Variants in NRCAM observed in about 807,000 individuals in gnomAD.
The protein encoded by NRCAM is NgCAM-related cell adhesion molecule.
In NRCAM, 83 loss-of-function variants were observed where a neutral mutation model predicts 156.5. That is an observed-to-expected ratio of 0.53 (90% confidence interval 0.44 to 0.64). The LOEUF (loss-of-function observed/expected upper bound fraction) is 0.64. Ranked by LOEUF, NRCAM falls within the 30% of genes least tolerant of loss-of-function variation. NRCAM has a pLI of 0.00. For missense variants in NRCAM, 1,417 were observed against 1,597.3 expected (o/e 0.89, Z 1.92); for synonymous variants, 538 against 563.9 (o/e 0.95, Z 0.65).
At chr7:108,314,738 T>G (rs961972400) in intron 2 of NRCAM, among the ~76,000 whole-genome samples, 34 of 152,206 alleles carry the variant, frequency 2.2e-4, no homozygotes, top group African/African-American at 8.2e-4. Flanking sequence ...TGGACTTTTT[T>G]GGCAGAGAAA....
At chr7:108,242,670 T>C (rs534059604) in intron 3 of NRCAM, among the ~76,000 whole-genome samples, 27 of 152,316 alleles carry the variant, frequency 1.8e-4, no homozygotes, top group African/African-American at 6.5e-4. Context: ...AACCAAACTC[T>C]GAAAAGGAAA....
intron 1 of NRCAM, among the ~76,000 whole-genome samples, chr7:108,448,435 C>A (rs73424178): frequency 0.055 from 8,381 of 152,206 alleles, 719 homozygotes; most frequent in African/African-American, 0.19. Context: ...AAGACTATGT[C>A]GAGTCATTTA....
Position 108,276,873 on chromosome 7 carries a change from T to C in NRCAM, c.-107+35792A>G, listed in dbSNP as rs181917163. ...TGTCATGCTTTTGCAGTGGCGGTAC[T>C]GGTTGTTCATTTCCATGTTTAGTGC... On this transcript the variant is annotated intron_variant, in intron 3 of 32. Coordinates refer to ENST00000379028, the MANE Select transcript of NRCAM (RefSeq NM_001037132.4). Among the ~76,000 whole-genome samples, 587 of 152,304 alleles carry C rather than the reference T, an allele frequency of 3.9e-3. 5 individuals carry two copies. The highest frequency in any genetic ancestry group is 0.014 in the African/African-American group (564 of 41,574).
intron 17 of NRCAM, among the ~76,000 whole-genome samples, chr7:108,193,086 A>G (rs1468151886): frequency 6.6e-6 from 1 of 152,168 alleles, no homozygotes; most frequent in African/African-American, 2.4e-5. Flanking sequence ...GCAGTGGTAC[A>G]GTCATGGCTC....
chr7:108,419,637 T>C (rs1001217521), intron 1 of NRCAM, among the ~76,000 whole-genome samples: 2 of 152,222 alleles, frequency 1.3e-5, no homozygotes, highest in Middle Eastern at 3.2e-3. Flanking sequence ...GGTGCTCTCA[T>C]TTCAAAGGCA....
chr7:108,282,239 T>C (rs1163470382), intron 3 of NRCAM, among the ~76,000 whole-genome samples: 1 of 152,238 alleles, frequency 6.6e-6, no homozygotes, highest in East Asian at 1.9e-4. Context: ...AAACCACTGT[T>C]AGGATTTCTC....
At chr7:108,428,599 C>A (rs1820500568) in intron 1 of NRCAM, among the ~76,000 whole-genome samples, 1 of 152,170 alleles carries the variant, frequency 6.6e-6, no homozygotes, top group Non-Finnish European at 1.5e-5. Flanking sequence ...GAGAAATTGA[C>A]AGGCCTAACA....
At chr7:108,299,139 A>ACAGACAGACAG (rs2098534169) in intron 3 of NRCAM, among the ~76,000 whole-genome samples, 1 of 108,740 alleles carries the variant, frequency 9.2e-6, no homozygotes, top group African/African-American at 3.5e-5. Flanking sequence ...AGAAAGAAAG[A>ACAGACAGACAG]AAAGAAAAGT....
chr7:108,157,569 T>C (rs2046281607), intron 32 of NRCAM, among the ~76,000 whole-genome samples: 1 of 152,152 alleles, frequency 6.6e-6, no homozygotes, highest in South Asian at 2.1e-4. Context: ...ACCTCCATTT[T>C]TTAGAACAGA....
At chr7:108,325,886 C>T (rs968040288) in intron 2 of NRCAM, among the ~76,000 whole-genome samples, 2 of 151,840 alleles carry the variant, frequency 1.3e-5, no homozygotes, top group African/African-American at 4.8e-5. Flanking sequence ...CCACTAGATG[C>T]ATAGAACGTA....
At chr7:108,150,834 A>G (rs2041082167) in intron 32 of NRCAM, 2 of 432,798 alleles carry the variant, frequency 4.6e-6, no homozygotes, top group Non-Finnish European at 9.2e-6. Context: ...GTTAATGAGT[A>G]AAGATTTATT....
intron 20 of NRCAM, among the ~76,000 whole-genome samples, chr7:108,185,670 G>T (rs1370235912): frequency 4.1e-5 from 6 of 146,268 alleles, no homozygotes; most frequent in Non-Finnish European, 6.0e-5. Context: ...AGTGAACCAT[G>T]ATCAAGCCAC....
intron 2 of NRCAM, among the ~76,000 whole-genome samples, chr7:108,374,987 G>A (rs1415757531): frequency 1.3e-5 from 2 of 152,056 alleles, no homozygotes; most frequent in Non-Finnish European, 1.5e-5. Flanking sequence ...GTCAGTACAT[G>A]GAATAGCACA....
At chr7:108,181,989 A>C (rs2063743436) in intron 23 of NRCAM, 52 bp from the exon 24 acceptor site, 1 of 1,332,380 alleles carries the variant, frequency 7.5e-7, no homozygotes, top group Non-Finnish European at 1.1e-6. Flanking sequence ...TTTTAATTTC[A>C]TCCATAAATA....
intron 1 of NRCAM, among the ~76,000 whole-genome samples, chr7:108,416,846 C>A (rs1289302710): frequency 6.6e-6 from 1 of 152,156 alleles, no homozygotes; most frequent in Admixed American, 6.5e-5. Context: ...TCTTACTAAC[C>A]CTTCTATCAA....
intron 3 of NRCAM, among the ~76,000 whole-genome samples, chr7:108,284,166 G>A (rs1164942053): frequency 9.2e-5 from 14 of 152,008 alleles, no homozygotes; most frequent in African/African-American, 2.9e-4. Context: ...TCTCTTGTCC[G>A]AAAATTCTAT....
chr7:108,181,070 A>C (rs900105734), intron 24 of NRCAM, among the ~76,000 whole-genome samples: 5 of 152,206 alleles, frequency 3.3e-5, no homozygotes, highest in African/African-American at 1.2e-4. Context: ...ATGGATAAGA[A>C]AGTACTGATT....
At chr7:108,444,671 T>G (rs745589643) in intron 1 of NRCAM, among the ~76,000 whole-genome samples, 1 of 152,202 alleles carries the variant, frequency 6.6e-6, no homozygotes, top group East Asian at 1.9e-4. Flanking sequence ...GGCCTTCTTC[T>G]ACTCTGCCTA....
chr7:108,419,181 G>A (rs1169439582), intron 1 of NRCAM, among the ~76,000 whole-genome samples: 6 of 152,084 alleles, frequency 3.9e-5, no homozygotes, highest in African/African-American at 7.2e-5. Flanking sequence ...AGAAGATAAC[G>A]TTAGTCATTG....
Sources: gnomAD v4.1 joint callset for allele counts (sites outside exome capture counted in the v4.1 genomes callset) on GRCh38, gnomAD v4.1.1 for gene constraint, MANE v1.5 for transcripts, NCBI Gene and HGNC (gene_info 2026-07-23, HGNC 2026-07-21) for gene names.